SCN9A: variants seen among roughly 807,000 people sequenced by gnomAD.
SCN9A encodes the protein sodium channel protein type 9 subunit alpha.
A neutral mutation model predicts 187.0 loss-of-function variants in SCN9A; 131 were observed. The observed-to-expected ratio is 0.70, with a 90% confidence interval of 0.61 to 0.81. The LOEUF (loss-of-function observed/expected upper bound fraction) is 0.81, where lower values mean the gene tolerates loss of function less well. Ranked by LOEUF, SCN9A falls within the 30% of genes least tolerant of loss-of-function variation. The pLI is 0.00. For missense variants in SCN9A, 2,252 were observed against 2,396.6 expected (o/e 0.94, Z 1.26); for synonymous variants, 809 against 808.6 (o/e 1.00, Z -0.01).
At chr2:166,333,282 A>G (rs1346473881) in intron 1 of SCN9A, among the ~76,000 whole-genome samples, 1 of 152,146 alleles carries the variant, frequency 6.6e-6, no homozygotes, top group African/African-American at 2.4e-5. Context: ...TTTATCTAAA[A>G]TAAATGATCA....
intron 24 of SCN9A, among the ~76,000 whole-genome samples, chr2:166,212,794 C>A (rs555023186): frequency 6.6e-6 from 1 of 151,924 alleles, no homozygotes; most frequent in African/African-American, 2.4e-5. Flanking sequence ...TCTTTTATGA[C>A]CACAATGGAA....
intron 9 of SCN9A, among the ~76,000 whole-genome samples, chr2:166,290,087 C>T (rs1033825436): frequency 2.6e-5 from 4 of 151,674 alleles, no homozygotes; most frequent in African/African-American, 9.7e-5. Context: ...CCCCAACAGG[C>T]CCCGGTGTGT....
chr2:166,251,100 T>A (rs1696015063), intron 18 of SCN9A, among the ~76,000 whole-genome samples: 1 of 150,890 alleles, frequency 6.6e-6, no homozygotes, highest in Admixed American at 6.6e-5. Context: ...GACTCAAGAG[T>A]GAGGTTAGAG....
chr2:166,229,073 G>A (rs933296982), intron 21 of SCN9A, 101 bp from the exon 22 acceptor site: 20 of 939,164 alleles, frequency 2.1e-5, no homozygotes, highest in African/African-American at 9.9e-5. Flanking sequence ...TAGAAAAGCC[G>A]CCCTTAAATA....
intron 1 of SCN9A, among the ~76,000 whole-genome samples, chr2:166,370,312 G>C (rs945962341): frequency 6.6e-6 from 1 of 150,856 alleles, no homozygotes; most frequent in Non-Finnish European, 1.5e-5. Context: ...GGGAGGTCGA[G>C]GCGGGCGGAT....
intron 18 of SCN9A, among the ~76,000 whole-genome samples, chr2:166,246,852 T>C: frequency 6.6e-6 from 1 of 152,018 alleles, no homozygotes; most frequent in East Asian, 1.9e-4. Flanking sequence ...AATATTGCCC[T>C]CAGGGTTTAT....
intron 1 of SCN9A, among the ~76,000 whole-genome samples, chr2:166,364,670 A>T (rs961722097): frequency 2.0e-5 from 3 of 152,102 alleles, no homozygotes; most frequent in African/African-American, 7.2e-5. Flanking sequence ...ACTGGGTGAT[A>T]GGGGAAGAGA....
intron 5 of SCN9A, 81 bp downstream of exon 5, chr2:166,305,711 C>T: frequency 6.4e-7 from 1 of 1,572,436 alleles, no homozygotes; most frequent in Non-Finnish European, 8.7e-7. Flanking sequence ...AAATCAGACC[C>T]CAGAGGTTTG....
chr2:166,279,668 T>G (rs1697389910), intron 14 of SCN9A, among the ~76,000 whole-genome samples: 1 of 152,146 alleles, frequency 6.6e-6, no homozygotes, highest in Non-Finnish European at 1.5e-5. Context: ...CATTAAGTCT[T>G]TGAAGTTTTG....
chr2:166,284,392 G>C lies in SCN9A; in HGVS notation c.1974+61C>G, dbSNP rs561434086. The C allele has an allele frequency of 1.9e-6, 3 of 1,543,206 alleles. No homozygotes were observed. The African/African-American group carries it at 4.1e-5, about 21-fold the overall frequency. On this transcript the variant is annotated intron_variant, in intron 12 of 26. Transcript: ENST00000642356. ...AGACCAGAGAAGGCCCTTCAGCAGA[G>C]AGACTGACTGATGCAGGAACAAGGG... is the stretch of plus-strand genomic sequence containing the variant.
chr2:166,238,573 C>T (rs1558973795), intron 19 of SCN9A, among the ~76,000 whole-genome samples: 1 of 152,208 alleles, frequency 6.6e-6, no homozygotes, highest in Non-Finnish European at 1.5e-5. Flanking sequence ...CCTCCTCTTT[C>T]TCCATTAAAA....
intron 18 of SCN9A, among the ~76,000 whole-genome samples, chr2:166,248,536 C>T (rs577755015): frequency 1.3e-5 from 2 of 152,242 alleles, no homozygotes; most frequent in South Asian, 2.1e-4. Flanking sequence ...CATTGCTATT[C>T]GCCCTTCCAC....
intron 4 of SCN9A, 52 bp downstream of exon 4, chr2:166,306,458 G>C: frequency 3.0e-6 from 3 of 1,008,296 alleles, no homozygotes; most frequent in Non-Finnish European, 4.6e-6. Context: ...GAAAAGGAAA[G>C]GATGAAATGA....
chr2:166,259,266 C>T lies in SCN9A; in HGVS notation c.3352-7381G>A, dbSNP rs4491742. On this transcript the variant is annotated intron_variant, in intron 17 of 26. Transcript: ENST00000642356. ...TAAAAGCACAGAGCTGCATCCTTGA[C>T]TGATCCAGTTTGATATTACCCCTGT... 122,619 of 151,480 alleles carry T rather than the reference C, an allele frequency of 0.81. 50,096 individuals are homozygous for T. The highest frequency in any genetic ancestry group is 0.85 in the Non-Finnish European group (57,803 of 67,630). 9.4% of individuals were successfully genotyped at this position (151,480 alleles called of 1,614,324 possible).
chr2:166,322,066 C>G lies in SCN9A; in HGVS notation c.-50-10260G>C, dbSNP rs115812636. 9.3e-3 allele frequency among the ~76,000 whole-genome samples: 1,406 copies of G among 151,950 alleles called. 9 individuals are homozygous for G. The highest frequency in any genetic ancestry group is 0.016 in the South Asian group (79 of 4,814). On this transcript the variant is annotated intron_variant, in intron 1 of 26. Coordinates refer to ENST00000642356, the MANE Select transcript of SCN9A (RefSeq NM_001365536.1). ...ACTTTCAGGAATGTGTAACAACATTCAAAAAGAAAGGACAAAGATACTAAA... is the reference window on the plus strand; with the variant it reads ...ACTTTCAGGAATGTGTAACAACATTGAAAAAGAAAGGACAAAGATACTAAA...
chr2:166,213,373 TAGAA>T (rs1440372225), intron 24 of SCN9A, among the ~76,000 whole-genome samples: 1 of 150,554 alleles, frequency 6.6e-6, no homozygotes, highest in African/African-American at 2.4e-5. Context: ...TTGGATAACT[TAGAA>T]GGAATAGGTA....
intron 1 of SCN9A, among the ~76,000 whole-genome samples, chr2:166,371,061 G>A (rs1467780583): frequency 6.6e-6 from 1 of 152,100 alleles, no homozygotes; most frequent in African/African-American, 2.4e-5. Context: ...AAAATGAATA[G>A]CAAGGAAATT....
intron 24 of SCN9A, among the ~76,000 whole-genome samples, chr2:166,208,780 G>GT (rs1484066177): frequency 1.3e-5 from 2 of 152,210 alleles, no homozygotes. Context: ...TTAAAAAGCA[G>GT]TAAGTGGCAA....
At chr2:166,322,579 A>T (rs549105394) in intron 1 of SCN9A, among the ~76,000 whole-genome samples, 4 of 152,302 alleles carry the variant, frequency 2.6e-5, no homozygotes, top group Non-Finnish European at 5.9e-5. Flanking sequence ...ATGAACACGT[A>T]TTCATGGAGC....
Sources: gnomAD v4.1 joint callset for allele counts (sites outside exome capture counted in the v4.1 genomes callset) on GRCh38, gnomAD v4.1.1 for gene constraint, MANE v1.5 for transcripts, NCBI Gene and HGNC (gene_info 2026-07-23, HGNC 2026-07-21) for gene names.